RBFOX1: variants seen among roughly 807,000 people sequenced by gnomAD.
RBFOX1 encodes RNA binding fox-1 homolog 1.
In RBFOX1, 8 loss-of-function variants were observed where a neutral mutation model predicts 57.7. The observed-to-expected ratio is 0.14, with a 90% confidence interval of 0.08 to 0.25. The LOEUF (loss-of-function observed/expected upper bound fraction) is 0.25. RBFOX1 is among the 10% of genes least tolerant of loss of function. The pLI is 1.00. For missense variants in RBFOX1, 611 were observed against 548.5 expected (o/e 1.11, Z -1.14); for synonymous variants, 326 against 222.4 (o/e 1.47, Z -4.15).
At chr16:7,525,324 G>C (rs2078451889) in intron 5 of RBFOX1, among the ~76,000 whole-genome samples, 1 of 152,070 alleles carries the variant, frequency 6.6e-6, no homozygotes, top group South Asian at 2.1e-4. Flanking sequence ...TTTATGTACA[G>C]AAGTATCCTA....
chr16:7,702,114 C>T (rs780353202), intron 14 of RBFOX1, among the ~76,000 whole-genome samples: 5 of 152,158 alleles, frequency 3.3e-5, no homozygotes, highest in African/African-American at 4.8e-5. Flanking sequence ...AACATTTTCT[C>T]AAATGGATGC....
chr16:7,206,817 G>T (rs894295751), intron 4 of RBFOX1, among the ~76,000 whole-genome samples: 3 of 152,022 alleles, frequency 2.0e-5, no homozygotes, highest in East Asian at 3.9e-4. Context: ...GGCATTTTAA[G>T]TTGGGATTTA....
intron 3 of RBFOX1, among the ~76,000 whole-genome samples, chr16:5,647,905 C>A (rs926699066): frequency 5.3e-5 from 8 of 152,044 alleles, no homozygotes; most frequent in African/African-American, 1.9e-4. Flanking sequence ...TGTCACTCAG[C>A]CTGAAGTGCA....
chr16:5,551,690 GT>G (rs2045471703), intron 2 of RBFOX1, among the ~76,000 whole-genome samples: 1 of 152,000 alleles, frequency 6.6e-6, no homozygotes, highest in Non-Finnish European at 1.5e-5. Flanking sequence ...TGTTACAGAG[GT>G]ATACATGTGC....
At chr16:7,333,708 C>T (rs1037509936) in intron 4 of RBFOX1, among the ~76,000 whole-genome samples, 2 of 152,138 alleles carry the variant, frequency 1.3e-5, no homozygotes, top group Non-Finnish European at 2.9e-5. Flanking sequence ...GCTGGTTTTA[C>T]TTTGAAGTCT....
At chr16:7,172,510 A>G (rs541739788) in intron 4 of RBFOX1, among the ~76,000 whole-genome samples, 1 of 152,312 alleles carries the variant, frequency 6.6e-6, no homozygotes, top group South Asian at 2.1e-4. Flanking sequence ...CCAAAGTGCT[A>G]CCTTCTGCAA....
chr16:6,018,686 C>G (rs1471162708), upstream of RBFOX1, among the ~76,000 whole-genome samples: 1 of 152,172 alleles, frequency 6.6e-6, no homozygotes, highest in Non-Finnish European at 1.5e-5. Flanking sequence ...TGCCAGAAAA[C>G]TTCCTCAGAG....
intron 2 of RBFOX1, among the ~76,000 whole-genome samples, chr16:6,350,304 C>T (rs1173062126): frequency 1.3e-5 from 2 of 151,550 alleles, no homozygotes; most frequent in East Asian, 3.9e-4. Context: ...GGTGTGGTTG[C>T]GTTGCGCATG....
intron 4 of RBFOX1, among the ~76,000 whole-genome samples, chr16:5,942,282 A>T (rs947519984): frequency 6.6e-6 from 1 of 152,120 alleles, no homozygotes; most frequent in African/African-American, 2.4e-5. Context: ...GGGGACTAGG[A>T]AATGGGTGCT....
intron 2 of RBFOX1, among the ~76,000 whole-genome samples, chr16:6,380,197 G>C (rs1028410782): frequency 2.6e-5 from 4 of 151,990 alleles, no homozygotes; most frequent in African/African-American, 9.7e-5. Context: ...AGAAGGAATT[G>C]GCTCATTCAG....
chr16:6,723,932 G>T (rs1341035077), intron 3 of RBFOX1: 2 of 152,170 alleles, frequency 1.3e-5, no homozygotes, highest in Non-Finnish European at 2.9e-5. Context: ...AAAATAGGAA[G>T]TTGGAAGTGG....
intron 4 of RBFOX1, among the ~76,000 whole-genome samples, chr16:7,066,798 T>C (rs11077131): frequency 6.6e-6 from 1 of 152,138 alleles, no homozygotes; most frequent in Non-Finnish European, 1.5e-5. Flanking sequence ...CACAAAGGTT[T>C]GGTTCAATAA....
chr16:5,803,420 A>C (rs1262977766), intron 3 of RBFOX1, among the ~76,000 whole-genome samples: 2 of 152,184 alleles, frequency 1.3e-5, no homozygotes, highest in East Asian at 3.9e-4. Flanking sequence ...TCCCACACTG[A>C]CCAGATCCGG....
intron 4 of RBFOX1, among the ~76,000 whole-genome samples, chr16:5,956,657 T>TA (rs3041583): frequency 2.8e-5 from 2 of 70,516 alleles, no homozygotes; most frequent in African/African-American, 9.2e-5. Context: ...TATATATATA[T>TA]TTATATATAT....
intron 1 of RBFOX1, among the ~76,000 whole-genome samples, chr16:6,021,770 T>C (rs1255258123): frequency 1.3e-5 from 2 of 152,202 alleles, no homozygotes; most frequent in Non-Finnish European, 2.9e-5. Context: ...GGCAAGTTGC[T>C]TTACCTCTCT....
chr16:6,999,967 G>C (rs994635876), intron 3 of RBFOX1, among the ~76,000 whole-genome samples: 13 of 151,778 alleles, frequency 8.6e-5, no homozygotes, highest in Middle Eastern at 3.4e-3. Context: ...AGCTACTCCA[G>C]AGGCTGAGGC....
chr16:5,620,502 C>G (rs2048170837), intron 3 of RBFOX1, among the ~76,000 whole-genome samples: 2 of 152,168 alleles, frequency 1.3e-5, no homozygotes, highest in African/African-American at 2.4e-5. Flanking sequence ...GGCCAGAAAC[C>G]TGAGGTCAGT....
At chr16:7,079,097 C>A (rs747141282) in intron 4 of RBFOX1, among the ~76,000 whole-genome samples, 6 of 151,798 alleles carry the variant, frequency 4.0e-5, no homozygotes, top group Non-Finnish European at 5.9e-5. Flanking sequence ...TGTATCTATC[C>A]CATATGGTGT....
intron 10 of RBFOX1, among the ~76,000 whole-genome samples, chr16:7,628,011 A>G (rs982868973): frequency 2.0e-5 from 3 of 152,098 alleles, no homozygotes; most frequent in Non-Finnish European, 4.4e-5. Context: ...GGAATGCTTC[A>G]TTATGCCGTG....
Sources: allele counts gnomAD v4.1 joint callset (sites outside exome capture counted in the v4.1 genomes callset), GRCh38; gene constraint gnomAD v4.1.1; transcripts MANE v1.5; gene names NCBI Gene and HGNC (gene_info 2026-07-23, HGNC 2026-07-21).